ADAMTS14: variants seen among roughly 807,000 people sequenced by gnomAD.
ADAMTS14 encodes the protein ADAM metallopeptidase with thrombospondin type 1 motif 14.
In ADAMTS14, 100 loss-of-function variants were observed where a neutral mutation model predicts 128.6. That is an observed-to-expected ratio of 0.78 (90% CI 0.66 to 0.92). The LOEUF is 0.92. Among genes scored for constraint, ADAMTS14 ranks in the 40% least tolerant of loss-of-function variants. The pLI is 0.00. For missense variants in ADAMTS14, 1,562 were observed against 1,658.6 expected, an observed-to-expected ratio of 0.94 and a Z score of 1.01; for synonymous variants, 665 against 653.8, an observed-to-expected ratio of 1.02 and a Z score of -0.26.
chr10:70,729,933 C>T (rs1443165445), intron 5 of ADAMTS14, among the ~76,000 whole-genome samples, 169 bp from the exon 6 acceptor site: 1 of 152,238 alleles, frequency 6.6e-6, no homozygotes. Flanking sequence ...TGAAAGCAGG[C>T]AGGGCTGTGT....
In ADAMTS14 at chr10:70,688,369, T is replaced by C. The variant is rs1485657487; in HGVS notation, c.522+13374T>C. Among the ~76,000 whole-genome samples the C allele has an allele frequency of 1.5e-3, 149 of 96,878 alleles. 18 individuals are homozygous for C. Among genetic ancestry groups the C allele is most frequent in the Non-Finnish European group, 3.2e-3 (134 of 42,092 alleles). 63.6% of individuals were successfully genotyped at this position (96,878 alleles called of 152,430 possible). On this transcript the variant is annotated intron_variant, in intron 2 of 21. Coordinates refer to ENST00000373207, the MANE Select transcript of ADAMTS14 (RefSeq NM_080722.4). ...TGGGATGGCCGCCGGGCAGAGACGC[T>C]CCTCACTTTCCAGACTGGGCAGCCA...
In ADAMTS14 at chr10:70,699,888, C is replaced by T. The variant is rs111797493; in HGVS notation, c.523-2424C>T. 2.6e-3 allele frequency among the ~76,000 whole-genome samples: 395 copies of T among 152,146 alleles called. 2 individuals carry two copies. The highest frequency in any genetic ancestry group is 9.1e-3 in the African/African-American group (376 of 41,518). On this transcript the variant is annotated intron_variant, in intron 2 of 21. Coordinates refer to ENST00000373207, the MANE Select transcript of ADAMTS14 (RefSeq NM_080722.4). ...GCTTGAGAGGCGTGATGGACCGAGA[C>T]GGTGCAGGCCACTGCCCTGGACCAG...
At position 70,721,455 on chromosome 10, in the gene ADAMTS14, A is replaced by C. The variant is rs557359333; in HGVS notation, c.871-7839A>C. ...GGATGGAGTGCAGTGGTGCGATCTC[A>C]GCTCACTGCAAGCTCTGCCTCCCAG... On this transcript the variant is annotated intron_variant, in intron 4 of 21. Transcript: ENST00000373207. Among the ~76,000 whole-genome samples the C allele has an allele frequency of 1.4e-3, 209 of 150,972 alleles. No homozygotes were observed. The Middle Eastern group carries it at 0.021, about 15-fold the overall frequency.
intron 14 of ADAMTS14, 117 bp downstream of exon 14, chr10:70,744,306 G>C (rs1006898870): frequency 7.5e-7 from 1 of 1,330,312 alleles, no homozygotes; most frequent in African/African-American, 1.5e-5. Context: ...AGGGGCCCTG[G>C]GGCCCATCTC....
intron 2 of ADAMTS14, among the ~76,000 whole-genome samples, chr10:70,699,509 C>T (rs116211648): frequency 4.6e-5 from 7 of 152,072 alleles, no homozygotes; most frequent in Non-Finnish European, 8.8e-5. Flanking sequence ...CAAGTAAAAG[C>T]TAGAGGTCTC....
At chr10:70,704,361 C>T (rs979198956) in intron 3 of ADAMTS14, among the ~76,000 whole-genome samples, 1 of 152,038 alleles carries the variant, frequency 6.6e-6, no homozygotes, top group Non-Finnish European at 1.5e-5. Context: ...CCCATGCACT[C>T]TCCCACACAC....
chr10:70,737,372 T>C (rs1270050722), intron 10 of ADAMTS14, among the ~76,000 whole-genome samples: 6 of 152,226 alleles, frequency 3.9e-5, no homozygotes, highest in South Asian at 4.1e-4. Context: ...GCCCTGCCCT[T>C]GATCACTGTG....
At chr10:70,755,849 CA>C (rs942944640) in intron 19 of ADAMTS14, among the ~76,000 whole-genome samples, 3 of 151,520 alleles carry the variant, frequency 2.0e-5, no homozygotes, top group Admixed American at 1.3e-4. Context: ...AACTTTGTCT[CA>C]AAAAAAGAAA....
At chr10:70,687,262 CGA>C (rs1839999938) in intron 2 of ADAMTS14, among the ~76,000 whole-genome samples, 1 of 106,644 alleles carries the variant, frequency 9.4e-6, no homozygotes, top group African/African-American at 3.1e-5. Flanking sequence ...CCCTCCCGGA[CGA>C]GGCGGCTGGC....
intron 18 of ADAMTS14, among the ~76,000 whole-genome samples, chr10:70,753,390 A>G (rs1050848441): frequency 1.8e-4 from 28 of 152,278 alleles, no homozygotes; most frequent in Admixed American, 7.2e-4. Flanking sequence ...ATCTGCCTTG[A>G]AAGTGTGGTT....
chr10:70,745,118 G>A, intron 14 of ADAMTS14, 108 bp from the exon 15 acceptor site: 1 of 983,318 alleles, frequency 1.0e-6, no homozygotes. Context: ...GAGAGGTTCT[G>A]TGATCAAATG....
chr10:70,760,717 T>A lies in ADAMTS14; in HGVS notation c.3536T>A (p.Ile1179Asn), dbSNP rs768624865. 42 of 1,613,890 alleles carry A rather than the reference T, an allele frequency of 2.6e-5. No individual in the cohort carries two copies. In the Middle Eastern group the frequency reaches 4.9e-4, roughly 19 times the overall value. ...ETPIPGASWS[I>N]SPTTPGGLPW... ...CCAATCCCTGGAGCATCCTGGAGCA[T>A]CTCCCCTACCACCCCCGGGGGGCTG... The change falls in exon 22 of 22, where the codon ATC (isoleucine) becomes AAC (asparagine). Residue 1179 changes from isoleucine to asparagine, a missense_variant. Coordinates refer to ENST00000373207, the MANE Select transcript of ADAMTS14 (RefSeq NM_080722.4).
intron 9 of ADAMTS14, among the ~76,000 whole-genome samples, chr10:70,735,537 G>A (rs1841799150): frequency 6.6e-6 from 1 of 152,256 alleles, no homozygotes. Flanking sequence ...CAGCAGAGCA[G>A]AGAGGGTGGG....
chr10:70,752,063 A>G, intron 17 of ADAMTS14, 32 bp from the exon 18 acceptor site: 2 of 1,592,444 alleles, frequency 1.3e-6, no homozygotes, highest in South Asian at 1.2e-5. Context: ...GCCTGGCTGG[A>G]CTAGGCCCAC....
chr10:70,718,022 C>A (rs998759900), intron 4 of ADAMTS14, among the ~76,000 whole-genome samples: 1 of 152,176 alleles, frequency 6.6e-6, no homozygotes, highest in African/African-American at 2.4e-5. Flanking sequence ...GAGGTTTTGG[C>A]GCAGTTGGCT....
At chr10:70,733,696 G>A (rs746005396) in intron 7 of ADAMTS14, among the ~76,000 whole-genome samples, 189 bp from the exon 8 acceptor site, 2 of 152,192 alleles carry the variant, frequency 1.3e-5, no homozygotes, top group Admixed American at 6.5e-5. Flanking sequence ...GATGAGCCCC[G>A]TCCCAGTGGG....
intron 2 of ADAMTS14, among the ~76,000 whole-genome samples, chr10:70,683,729 C>G (rs1428440081): frequency 3.9e-5 from 6 of 152,136 alleles, no homozygotes; most frequent in Non-Finnish European, 8.8e-5. Context: ...CCAGCCTGCT[C>G]ACGTGGCTGT....
chr10:70,704,451 C>A (rs540937919), intron 3 of ADAMTS14, among the ~76,000 whole-genome samples: 4 of 152,010 alleles, frequency 2.6e-5, no homozygotes, highest in South Asian at 2.1e-4. Context: ...CACACTCACA[C>A]GTGGACACAT....
In ADAMTS14 at chr10:70,751,606, G is replaced by C. The variant is rs115166776; in HGVS notation, c.2556G>C (p.Ala852=). 1.9e-6 allele frequency: 3 copies of C among 1,612,658 alleles called. No individual in the cohort carries two copies. Among genetic ancestry groups the C allele is most frequent in the Non-Finnish European group, 2.5e-6 (3 of 1,178,798 alleles). Residue 852 remains alanine (A), a synonymous_variant, in exon 17 of 22, where the codon GCG becomes GCC. Transcript: ENST00000373207. ...LLEEMDTYEW[A]LKSWAPCSKA... ...AGGAGATGGACACCTATGAGTGGGCGCTCAAGAGCTGGGCCCCCTGCAGCA... is the reference window on the plus strand; with the variant it reads ...AGGAGATGGACACCTATGAGTGGGCCCTCAAGAGCTGGGCCCCCTGCAGCA...
Sources: allele counts gnomAD v4.1 joint callset (sites outside exome capture counted in the v4.1 genomes callset), GRCh38; gene constraint gnomAD v4.1.1; transcripts MANE v1.5; gene names NCBI Gene and HGNC (gene_info 2026-07-23, HGNC 2026-07-21).